The following PI4KA variants were observed in gnomAD, a reference collection of about 807,000 sequenced individuals.
PI4KA encodes phosphatidylinositol 4-kinase alpha.
A neutral mutation model predicts 271.4 loss-of-function variants in PI4KA; 122 were observed. The ratio of observed to expected loss-of-function variants is 0.45; its 90% CI spans 0.39 to 0.52. PI4KA has a LOEUF of 0.52. PI4KA is among the 20% of genes least tolerant of loss of function. The pLI, the probability that PI4KA is intolerant of heterozygous loss-of-function variation, is 0.00. For synonymous variants in PI4KA, 1,041 were observed against 1,078.8 expected (o/e 0.96, Z 0.69); for missense variants, 1,969 against 2,769.1 (o/e 0.71, Z 6.48).
chr22:20,850,219 T>C (rs930303698), intron 1 of PI4KA, among the ~76,000 whole-genome samples: 2 of 151,978 alleles, frequency 1.3e-5, no homozygotes, highest in African/African-American at 4.8e-5. Flanking sequence ...AAGCCCAACA[T>C]TCCCTAAAGT....
At chr22:20,810,351 CAAAA>C (rs1306809343) in intron 9 of PI4KA, among the ~76,000 whole-genome samples, 1 of 151,842 alleles carries the variant, frequency 6.6e-6, no homozygotes, top group Non-Finnish European at 1.5e-5. Flanking sequence ...CTAAAAAATA[CAAAA>C]AAAGTTAGCT....
At chr22:20,770,230 T>C (rs1178954101) in intron 19 of PI4KA, among the ~76,000 whole-genome samples, 2 of 151,086 alleles carry the variant, frequency 1.3e-5, no homozygotes, top group African/African-American at 2.4e-5. Flanking sequence ...TGGGTTTTGC[T>C]AGCCGGGAGC....
chr22:20,775,160 CA>C (rs1219654970), intron 19 of PI4KA, among the ~76,000 whole-genome samples: 1 of 150,668 alleles, frequency 6.6e-6, no homozygotes, highest in African/African-American at 2.4e-5. Flanking sequence ...CCAGCTCTGG[CA>C]ATTAGCAAGA....
chr22:20,798,655 G>A lies in PI4KA; in HGVS notation c.2037C>T (p.Phe679=). 5 of 1,613,706 alleles carry A rather than the reference G, an allele frequency of 3.1e-6. No individual in the cohort carries two copies. The highest frequency in any genetic ancestry group is 4.2e-6 in the Non-Finnish European group (5 of 1,179,622). The change falls in exon 17 of 55, where the codon TTC becomes TTT. Residue 679 remains phenylalanine (F), a synonymous_variant. Transcript: ENST00000255882. ...QYIYQEVWNL[F]QQISVKASSV... is the part of the protein sequence containing the mutation. ...AGCTGGCCTTCACACTGATCTGCTG[G>A]AAGAGGTTCCACACTTCCTGATAGA...
intron 18 of PI4KA, 98 bp from the exon 19 acceptor site, chr22:20,793,341 T>A: frequency 1.4e-6 from 1 of 698,792 alleles, no homozygotes; most frequent in Non-Finnish European, 2.5e-6. Context: ...AAACCTGGAA[T>A]GTCTTAATCT....
chr22:20,843,097 C>CA (rs361761), intron 1 of PI4KA, among the ~76,000 whole-genome samples: 61,714 of 113,622 alleles, frequency 0.54, 14,841 homozygotes, highest in African/African-American at 0.64. Context: ...GACTCCGTCT[C>CA]AAAAAAAAAA....
intron 34 of PI4KA, 77 bp from the exon 35 acceptor site, chr22:20,733,920 G>A (rs1928376680): frequency 1.9e-6 from 3 of 1,591,950 alleles, no homozygotes; most frequent in African/African-American, 1.3e-5. Context: ...TCTCTTCCCT[G>A]CCCTTCCAGG....
chr22:20,780,789 A>AAAAAAAAAAAAAAAAAAAAAAAG (rs1569025354), intron 19 of PI4KA, among the ~76,000 whole-genome samples: 1 of 151,278 alleles, frequency 6.6e-6, no homozygotes, highest in African/African-American at 2.4e-5. Flanking sequence ...AAAAAAAAAA[A>AAAAAAAAAAAAAAAAAAAAAAAG]AAGAAGTAAA....
chr22:20,787,304 G>C, intron 19 of PI4KA: 1 of 547,278 alleles, frequency 1.8e-6, no homozygotes, highest in Non-Finnish European at 3.3e-6. Context: ...TGTGTCTGCT[G>C]TTACCTAGAG....
chr22:20,715,632 G>A (rs1241089180), intron 45 of PI4KA, among the ~76,000 whole-genome samples: 6 of 151,084 alleles, frequency 4.0e-5, no homozygotes, highest in East Asian at 4.0e-4. Context: ...CTGCCACCGC[G>A]CCTGGCTAAT....
Position 20,759,780 on chromosome 22 carries a change from C to T in PI4KA, c.2791+1524G>A, listed in dbSNP as rs1016112584. ...CAGGGTTTCACCGTGTTAGCCAGGA[C>T]GGTCTTGATCTCCTGACCTTGTGAT... is the stretch of plus-strand genomic sequence containing the variant. On this transcript the variant is annotated intron_variant, in intron 23 of 54. Transcript: ENST00000255882. Among the ~76,000 whole-genome samples, 18 of 152,200 alleles carry T rather than the reference C, an allele frequency of 1.2e-4. No homozygotes were observed. In the East Asian group the frequency reaches 1.4e-3, roughly 11 times the overall value.
chr22:20,839,826 C>T lies in PI4KA; in HGVS notation c.157-1095G>A, dbSNP rs1247351168. Among the ~76,000 whole-genome samples, 11 of 114,940 alleles carry T rather than the reference C, an allele frequency of 9.6e-5. No homozygotes were observed. In the South Asian group the frequency reaches 1.8e-3, roughly 19 times the overall value. 75.4% of individuals were successfully genotyped at this position (114,940 alleles called of 152,430 possible). On this transcript the variant is annotated intron_variant, in intron 1 of 54. Transcript: ENST00000255882. ...CAGCCTGGGCGACAGAGCAAGACTCCGTCTCAAAAAAAAAAATCAAATGTG... is the reference window on the plus strand; with the variant it reads ...CAGCCTGGGCGACAGAGCAAGACTCTGTCTCAAAAAAAAAAATCAAATGTG...
At chr22:20,808,636 T>C (rs1935815842) in intron 9 of PI4KA, among the ~76,000 whole-genome samples, 3 of 151,048 alleles carry the variant, frequency 2.0e-5, no homozygotes, top group African/African-American at 7.3e-5. Context: ...TATATACTCC[T>C]AGTTGAGTAG....
Position 20,764,923 on chromosome 22 carries a change from T to G in PI4KA, c.2602A>C (p.Ile868Leu). Reference sequence around the variant, plus strand: ...GGAGGGGGGTCCAGCAGGTTGATGATAGTGCTGCGGAGCTCACTCAGCTCA... The same window carrying G: ...GGAGGGGGGTCCAGCAGGTTGATGAGAGTGCTGCGGAGCTCACTCAGCTCA... The part of the protein sequence containing the change: ...PAELSELRST[I>L]INLLDPPPEV... Residue 868 changes from isoleucine (I) to leucine (L), a missense_variant, in exon 22 of 55, where the codon ATC becomes CTC. Ile to Leu is a conservative substitution (Grantham distance 5). This residue lies in a region of PI4KA where 368 missense variants were observed against 544.3 expected (regional missense o/e 0.68). Coordinates refer to ENST00000255882, the MANE Select transcript of PI4KA (RefSeq NM_058004.4). 1 of 1,612,756 alleles carries G rather than the reference T, an allele frequency of 6.2e-7. No individual in the cohort carries two copies. Among genetic ancestry groups the G allele is most frequent in the Non-Finnish European group, 8.5e-7 (1 of 1,179,202 alleles).
chr22:20,714,735 T>A, intron 45 of PI4KA, 35 bp from the exon 46 acceptor site: 3 of 1,604,564 alleles, frequency 1.9e-6, no homozygotes, highest in Non-Finnish European at 2.6e-6. Flanking sequence ...AGGGAGTGCA[T>A]GTGTCACCAC....
chr22:20,793,047 C>G (rs1336352307), intron 19 of PI4KA, 146 bp downstream of exon 19: 1 of 617,146 alleles, frequency 1.6e-6, no homozygotes, highest in Non-Finnish European at 2.9e-6. Context: ...CATGGAAAAG[C>G]TGGTGATGGC....
intron 33 of PI4KA, 80 bp from the exon 34 acceptor site, chr22:20,734,274 G>T: frequency 7.1e-7 from 1 of 1,404,376 alleles, no homozygotes; most frequent in Non-Finnish European, 9.7e-7. Context: ...GCTGAGGAGG[G>T]GTTCTGGGCT....
chr22:20,730,494 C>T (rs1927897777), intron 36 of PI4KA, among the ~76,000 whole-genome samples: 1 of 152,018 alleles, frequency 6.6e-6, no homozygotes, highest in Non-Finnish European at 1.5e-5. Flanking sequence ...AGGCTGGTCT[C>T]AAACTCCTGA....
chr22:20,736,808 C>A (rs1323668511), intron 32 of PI4KA: 2 of 154,838 alleles, frequency 1.3e-5, no homozygotes, highest in Non-Finnish European at 2.9e-5. Context: ...CTGGCATCTA[C>A]AGTGAAGGGA....
Sources: gnomAD v4.1 joint callset for allele counts (sites outside exome capture counted in the v4.1 genomes callset) on GRCh38, gnomAD v4.1.1 for gene constraint, gnomAD v4.1.1 regional missense constraint, MANE v1.5 for transcripts, NCBI Gene and HGNC (gene_info 2026-07-23, HGNC 2026-07-21) for gene names.